The following SLC8A1 variants were observed in gnomAD, a reference collection of about 807,000 sequenced individuals.
SLC8A1 encodes sodium/calcium exchanger 1.
In SLC8A1, 18 loss-of-function variants were observed where a neutral mutation model predicts 68.3. The ratio of observed to expected loss-of-function variants is 0.26; its 90% CI spans 0.18 to 0.39. The LOEUF (loss-of-function observed/expected upper bound fraction) is 0.39. Ranked by LOEUF, SLC8A1 falls within the 10% of genes least tolerant of loss-of-function variation. The pLI, the probability that SLC8A1 is intolerant of heterozygous loss-of-function variation, is 1.00. For synonymous variants in SLC8A1, 475 were observed against 415.5 expected (o/e 1.14, Z -1.74); for missense variants, 985 against 1,156.7 (o/e 0.85, Z 2.15).
rs549964879 is a variant in SLC8A1 at position 40,148,212 on chromosome 2, C to T, written c.2162-8536G>A. 2.0e-5 allele frequency among the ~76,000 whole-genome samples: 3 copies of T among 152,288 alleles called. No individual in the cohort carries two copies. The East Asian group carries it at 5.8e-4, about 29-fold the overall frequency. On this transcript the variant is annotated intron_variant, in intron 6 of 7. Transcript: ENST00000406785. The stretch of plus-strand genomic sequence containing the variant: ...GTTCTTTCAGAGAATGAATGGCTGG[C>T]TCAATTTTATTCTTCCTGGAATTTT...
chr2:40,188,507 C>T (rs528124536), intron 2 of SLC8A1, among the ~76,000 whole-genome samples: 2 of 152,340 alleles, frequency 1.3e-5, no homozygotes, highest in African/African-American at 2.4e-5. Context: ...AAGCTCTCTT[C>T]GTCCTGAACA....
intron 1 of SLC8A1, among the ~76,000 whole-genome samples, chr2:40,446,145 C>T (rs1701406185): frequency 6.6e-6 from 1 of 152,160 alleles, no homozygotes; most frequent in Non-Finnish European, 1.5e-5. Flanking sequence ...AACCACCTAC[C>T]CTAGTAGAGG....
At chr2:40,467,219 G>C (rs760744972) in intron 1 of SLC8A1, among the ~76,000 whole-genome samples, 7 of 152,068 alleles carry the variant, frequency 4.6e-5, no homozygotes, top group Non-Finnish European at 1.0e-4. Flanking sequence ...CAATTTTTAC[G>C]TGTCCAAAGA....
chr2:40,275,432 G>C (rs543751681), intron 2 of SLC8A1, among the ~76,000 whole-genome samples: 1 of 152,132 alleles, frequency 6.6e-6, no homozygotes, highest in Admixed American at 6.5e-5. Flanking sequence ...CAAACAAACT[G>C]CTCTACCTAT....
At chr2:40,493,372 G>A (rs1050311670) in intron 1 of SLC8A1, among the ~76,000 whole-genome samples, 6 of 150,582 alleles carry the variant, frequency 4.0e-5, no homozygotes, top group Non-Finnish European at 7.4e-5. Flanking sequence ...GGGAGGGATA[G>A]CTTTAGGAGA....
chr2:40,371,524 G>A (rs1485398102), intron 2 of SLC8A1, among the ~76,000 whole-genome samples: 1 of 152,110 alleles, frequency 6.6e-6, no homozygotes. Context: ...GAAGATGTTA[G>A]TGTCTTCTAC....
At chr2:40,185,141 C>A (rs1325569248) in intron 2 of SLC8A1, among the ~76,000 whole-genome samples, 1 of 152,106 alleles carries the variant, frequency 6.6e-6, no homozygotes, top group Non-Finnish European at 1.5e-5. Context: ...GAAATTGGAA[C>A]CCTCATATGC....
intron 2 of SLC8A1, among the ~76,000 whole-genome samples, chr2:40,297,549 T>C (rs1259175159): frequency 6.6e-6 from 1 of 152,220 alleles, no homozygotes; most frequent in Non-Finnish European, 1.5e-5. Context: ...TCAATACATC[T>C]TGAGATAAAA....
chr2:40,165,096 G>A, intron 4 of SLC8A1, 112 bp from the exon 8 acceptor site: 1 of 1,360,686 alleles, frequency 7.3e-7, no homozygotes, highest in Non-Finnish European at 1.0e-6. Context: ...ACCTACTAAA[G>A]CCCCCTGGGT....
chr2:40,369,652 T>C (rs1677381663), intron 2 of SLC8A1, among the ~76,000 whole-genome samples: 1 of 152,108 alleles, frequency 6.6e-6, no homozygotes, highest in Non-Finnish European at 1.5e-5. Flanking sequence ...ATTTCAATAC[T>C]TGTTAGTACC....
intron 2 of SLC8A1, among the ~76,000 whole-genome samples, chr2:40,306,504 T>C (rs1447401719): frequency 2.0e-5 from 3 of 152,116 alleles, no homozygotes; most frequent in Non-Finnish European, 4.4e-5. Flanking sequence ...GACATGTACT[T>C]GGTAAATGTT....
chr2:40,181,735 T>C (rs910602447), intron 2 of SLC8A1, among the ~76,000 whole-genome samples: 12 of 152,220 alleles, frequency 7.9e-5, no homozygotes, highest in Admixed American at 2.6e-4. Flanking sequence ...ACTGGTAATG[T>C]TCACCTTTTG....
chr2:40,207,695 A>G (rs562669856), intron 2 of SLC8A1, among the ~76,000 whole-genome samples: 2 of 152,250 alleles, frequency 1.3e-5, no homozygotes, highest in African/African-American at 4.8e-5. Flanking sequence ...TCTGGCTCCA[A>G]GTTTCTAAGT....
intron 6 of SLC8A1, among the ~76,000 whole-genome samples, chr2:40,146,680 C>T (rs1022877374): frequency 6.6e-6 from 1 of 151,774 alleles, no homozygotes; most frequent in Non-Finnish European, 1.5e-5. Context: ...ATAAGGAATG[C>T]ACAACCTAGA....
At chr2:40,274,341 A>T (rs1185201454) in intron 2 of SLC8A1, among the ~76,000 whole-genome samples, 1 of 151,980 alleles carries the variant, frequency 6.6e-6, no homozygotes, top group Non-Finnish European at 1.5e-5. Flanking sequence ...GATTAAAAAT[A>T]ATCTAATAAC....
chr2:40,122,185 C>G (rs999336218), intron 7 of SLC8A1, among the ~76,000 whole-genome samples: 9 of 150,970 alleles, frequency 6.0e-5, no homozygotes, highest in African/African-American at 2.2e-4. Context: ...CTCTTTCTCT[C>G]TCACAAGTGC....
intron 2 of SLC8A1, among the ~76,000 whole-genome samples, chr2:40,239,166 C>G (rs1479227805): frequency 6.6e-6 from 1 of 152,080 alleles, no homozygotes; most frequent in African/African-American, 2.4e-5. Context: ...CAACAGTCAG[C>G]AAATGTCAAT....
chr2:40,178,348 C>G, intron 2 of SLC8A1, 39 bp downstream of exon 3: 1 of 1,522,174 alleles, frequency 6.6e-7, no homozygotes, highest in South Asian at 1.1e-5. Flanking sequence ...CACAGGCCAG[C>G]AGAAGCTGTT....
chr2:40,269,163 G>A lies in SLC8A1; in HGVS notation c.1809-91308C>T, dbSNP rs59911950. Among the ~76,000 whole-genome samples the A allele has an allele frequency of 2.8e-3, 422 of 152,264 alleles. 1 individual carries two copies. The highest frequency in any genetic ancestry group is 9.5e-3 in the African/African-American group (395 of 41,550). On this transcript the variant is annotated intron_variant, in intron 2 of 7. Transcript: ENST00000406785. Reference sequence around the variant, plus strand: ...TATTATAGACTAAGAACTTTACTTCGTCAATCAATCCAGGTTTTTGTCTTT... The same window carrying A: ...TATTATAGACTAAGAACTTTACTTCATCAATCAATCCAGGTTTTTGTCTTT...
Sources: gnomAD v4.1 joint callset for allele counts (sites outside exome capture counted in the v4.1 genomes callset) on GRCh38, gnomAD v4.1.1 for gene constraint, MANE v1.5 for transcripts, NCBI Gene and HGNC (gene_info 2026-07-23, HGNC 2026-07-21) for gene names.